Variants in PHF21A observed in about 807,000 individuals in gnomAD.
PHF21A encodes BHC80a.
A neutral mutation model predicts 82.5 loss-of-function variants in PHF21A; 11 were observed. That is an observed-to-expected ratio of 0.13 (90% CI 0.08 to 0.22). The LOEUF is 0.22. Among genes scored for constraint, PHF21A ranks in the 10% least tolerant of loss-of-function variants. The pLI is 1.00. For synonymous variants in PHF21A, 297 were observed against 302.8 expected, an observed-to-expected ratio of 0.98 and a Z score of 0.20; for missense variants, 579 against 837.8, an observed-to-expected ratio of 0.69 and a Z score of 3.81.
chr11:46,079,851 G>GAGGAA lies in PHF21A; in HGVS notation c.55-690_55-686dup, dbSNP rs376888297. On this transcript the variant is annotated intron_variant, in intron 4 of 18. Transcript: ENST00000676320. ...CAAATGGAAAGGAAAGGAAAGGAAA[G>GAGGAA]AGGAAAGGAAAGGAAAGGAAAGAGG... Among the ~76,000 whole-genome samples the GAGGAA allele has an allele frequency of 7.7e-3, 1,147 of 148,974 alleles. 6 individuals carry two copies. The highest frequency in any genetic ancestry group is 0.012 in the Non-Finnish European group (839 of 67,466).
intron 1 of PHF21A, among the ~76,000 whole-genome samples, chr11:46,105,728 A>T (rs1303192210): frequency 6.6e-6 from 1 of 152,242 alleles, no homozygotes; most frequent in African/African-American, 2.4e-5. Flanking sequence ...ATAATTTTGT[A>T]ACTTGTCCAA....
intron 6 of PHF21A, among the ~76,000 whole-genome samples, chr11:46,054,446 C>T (rs2096419550): frequency 6.6e-6 from 1 of 152,184 alleles, no homozygotes; most frequent in Non-Finnish European, 1.5e-5. Context: ...AATCCACTTA[C>T]CTACTCCTAC....
At chr11:46,007,843 A>C (rs962536758) in intron 6 of PHF21A, among the ~76,000 whole-genome samples, 1 of 152,216 alleles carries the variant, frequency 6.6e-6, no homozygotes, top group Non-Finnish European at 1.5e-5. Context: ...TTTTAGAACA[A>C]GGGACTTTTC....
intron 6 of PHF21A, among the ~76,000 whole-genome samples, chr11:46,050,809 G>C (rs1382998745): frequency 6.6e-6 from 1 of 152,282 alleles, no homozygotes; most frequent in East Asian, 1.9e-4. Context: ...TCGAGACAAA[G>C]GAAGTATGTC....
intron 6 of PHF21A, 60 bp downstream of exon 6, chr11:46,076,694 G>C (rs759642350): frequency 7.5e-7 from 1 of 1,332,452 alleles, no homozygotes; most frequent in Non-Finnish European, 1.1e-6. Flanking sequence ...TAGAAGCCTC[G>C]AGCAGACATA....
intron 6 of PHF21A, among the ~76,000 whole-genome samples, chr11:46,059,186 G>A (rs989295932): frequency 6.6e-6 from 1 of 152,020 alleles, no homozygotes; most frequent in Non-Finnish European, 1.5e-5. Context: ...TACGTCCAAG[G>A]ATGTACACTG....
intron 5 of PHF21A, among the ~76,000 whole-genome samples, chr11:46,078,736 A>G (rs2096756870): frequency 6.6e-6 from 1 of 152,166 alleles, no homozygotes; most frequent in Non-Finnish European, 1.5e-5. Context: ...AATGTTCTAT[A>G]ATATAAACTC....
chr11:45,980,207 T>G (rs1231582983), intron 6 of PHF21A, among the ~76,000 whole-genome samples: 1 of 152,072 alleles, frequency 6.6e-6, no homozygotes, highest in Non-Finnish European at 1.5e-5. Flanking sequence ...AAATGAAAAA[T>G]CTGAAGGAGA....
At chr11:45,942,392 C>T (rs936249417) in intron 15 of PHF21A, among the ~76,000 whole-genome samples, 2 of 152,168 alleles carry the variant, frequency 1.3e-5, no homozygotes, top group Non-Finnish European at 2.9e-5. Flanking sequence ...CAACTGTCCC[C>T]TAGCATTTGT....
chr11:46,048,377 T>C (rs1477348111), intron 6 of PHF21A, among the ~76,000 whole-genome samples: 2 of 152,248 alleles, frequency 1.3e-5, no homozygotes, highest in East Asian at 1.9e-4. Context: ...AATATTCTAC[T>C]GTATGGATAT....
intron 6 of PHF21A, among the ~76,000 whole-genome samples, chr11:46,016,988 T>C (rs753258099): frequency 4.6e-5 from 7 of 151,758 alleles, no homozygotes; most frequent in Admixed American, 1.3e-4. Context: ...TTTTTTTAAT[T>C]GAGATGGAGT....
At chr11:46,074,800 G>A (rs1391358285) in intron 6 of PHF21A, among the ~76,000 whole-genome samples, 1 of 152,160 alleles carries the variant, frequency 6.6e-6, no homozygotes, top group African/African-American at 2.4e-5. Flanking sequence ...ACCGTGCCTG[G>A]CCAATAAAAC....
chr11:45,934,327 G>A, intron 18 of PHF21A, 102 bp from the exon 19 acceptor site: 1 of 1,183,754 alleles, frequency 8.4e-7, no homozygotes, highest in Non-Finnish European at 1.2e-6. Context: ...GGGAGAAGAA[G>A]CTCTGCTGGC....
At chr11:46,118,784 AAC>A (rs1358745987) in intron 1 of PHF21A, 2 of 152,220 alleles carry the variant, frequency 1.3e-5, no homozygotes, top group African/African-American at 4.8e-5. Flanking sequence ...AAAATGTAGT[AAC>A]AGTTTCCAAC....
intron 6 of PHF21A, among the ~76,000 whole-genome samples, chr11:46,029,643 G>A (rs927280320): frequency 1.3e-5 from 2 of 150,060 alleles, no homozygotes; most frequent in Non-Finnish European, 3.0e-5. Flanking sequence ...AGCCAAGATC[G>A]TGCCACTGCA....
intron 3 of PHF21A, among the ~76,000 whole-genome samples, chr11:46,088,236 C>G (rs2096879563): frequency 6.6e-6 from 1 of 152,150 alleles, no homozygotes. Context: ...CCATCAGACT[C>G]ACAAGACAGT....
At chr11:46,053,364 C>T (rs1173072416) in intron 6 of PHF21A, among the ~76,000 whole-genome samples, 1 of 151,996 alleles carries the variant, frequency 6.6e-6, no homozygotes, top group Non-Finnish European at 1.5e-5. Flanking sequence ...GCAAGAAATG[C>T]ACAACTAATA....
chr11:46,069,771 C>A (rs1262640839), intron 6 of PHF21A, among the ~76,000 whole-genome samples: 1 of 152,160 alleles, frequency 6.6e-6, no homozygotes, highest in Non-Finnish European at 1.5e-5. Flanking sequence ...GTTTATGTAT[C>A]ACAATGATGC....
intron 6 of PHF21A, among the ~76,000 whole-genome samples, chr11:46,010,695 T>C (rs772600228): frequency 6.6e-6 from 1 of 152,216 alleles, no homozygotes; most frequent in Admixed American, 6.5e-5. Context: ...GTGCAAAGCC[T>C]TGACCCACAG....
Sources: allele counts gnomAD v4.1 joint callset (sites outside exome capture counted in the v4.1 genomes callset), GRCh38; gene constraint gnomAD v4.1.1; transcripts MANE v1.5; gene names NCBI Gene and HGNC (gene_info 2026-07-23, HGNC 2026-07-21).